DISP3: variants seen among roughly 807,000 people sequenced by gnomAD.
The protein encoded by DISP3 is dispatched RND transporter family member 3.
A neutral mutation model predicts 135.3 loss-of-function variants in DISP3; 101 were observed. That is an observed-to-expected ratio of 0.75 (90% CI 0.64 to 0.88). The LOEUF (loss-of-function observed/expected upper bound fraction) is 0.88, where lower values mean the gene tolerates loss of function less well. DISP3 is among the 40% of genes least tolerant of loss of function. The pLI, the probability that DISP3 is intolerant of heterozygous loss-of-function variation, is 0.00. For synonymous variants in DISP3, 856 were observed against 817.0 expected, an observed-to-expected ratio of 1.05 and a Z score of -0.81; for missense variants, 1,713 against 1,878.6, an observed-to-expected ratio of 0.91 and a Z score of 1.63.
rs547818268 is a variant in DISP3, at chr1:11,501,669, T to G, written c.677T>G (p.Leu226Arg). The G allele has an allele frequency of 2.5e-6, 4 of 1,607,598 alleles. No homozygotes were observed. The highest frequency in any genetic ancestry group is 2.2e-5 in the South Asian group (2 of 90,250). The change falls in exon 2 of 21, where the codon CTG becomes CGG. Residue 226 changes from leucine (L) to arginine (R), a missense_variant. This residue lies in a region of DISP3 where 571 missense variants were observed against 494.1 expected (regional missense o/e 1.16). Transcript: ENST00000294484. This position sits in a 1 kb window ranked among gnomAD's most constrained non-coding sequence, Gnocchi z 4.9. ...AGTGAAGACCCGCGAAACCAGCGGCTGAGCAAGAATGGGCGGTACCAGCCC... is the reference window on the plus strand; with the variant it reads ...AGTGAAGACCCGCGAAACCAGCGGCGGAGCAAGAATGGGCGGTACCAGCCC... ...NQSEDPRNQR[L>R]SKNGRYQPSI...
rs1287396356 is a variant in DISP3, at chr1:11,501,714, C to G, written c.722C>G (p.Ala241Gly). The stretch of plus-strand genomic sequence containing the variant: ...CAGCCCAGCATCCCGCCCCACGCGG[C>G]AGTCGCGGCCAATCAGAGCCGTGCC... ...RYQPSIPPHAAVAANQSRARR... is the reference protein window; with the variant it reads ...RYQPSIPPHAGVAANQSRARR... The change falls in exon 2 of 21, where the codon GCA (alanine) becomes GGA (glycine). Residue 241 changes from alanine to glycine, a missense_variant. Transcript: ENST00000294484. The surrounding 1 kb of genome is among the most constrained non-coding windows in gnomAD (Gnocchi z 4.9). 6.3e-7 allele frequency: 1 copy of G among 1,598,452 alleles called. No homozygotes were observed. Among genetic ancestry groups the G allele is most frequent in the African/African-American group, 1.3e-5 (1 of 74,806 alleles).
intron 1 of DISP3, among the ~76,000 whole-genome samples, chr1:11,496,548 C>G (rs1228545389): frequency 6.6e-6 from 1 of 152,228 alleles, no homozygotes; most frequent in Non-Finnish European, 1.5e-5. Context: ...CTACAGGAAC[C>G]ACCTTGGTTC....
intron 18 of DISP3, 78 bp downstream of exon 18, chr1:11,534,618 C>A: frequency 6.6e-7 from 1 of 1,507,734 alleles, no homozygotes; most frequent in Middle Eastern, 2.1e-4. Flanking sequence ...ACAGAGCGGC[C>A]TGAGTCACAA....
In DISP3 at chr1:11,520,817, C is replaced by T. The variant is rs531547268; in HGVS notation, c.2331C>T (p.Ser777=). The change falls in exon 10 of 21, where the codon AGC becomes AGT. Residue 777 remains serine, a synonymous_variant. Transcript: ENST00000294484. The surrounding 1 kb of genome is among the most constrained non-coding windows in gnomAD (Gnocchi z 4.8). ...TGCTGGACCTCAAGTACAACCTGAG[C>T]GCCGAGGGCATCTCCTGCATCACCT... is the stretch of plus-strand genomic sequence containing the variant. ...QVLLDLKYNL[S]AEGISCITCS... The T allele has an allele frequency of 2.2e-5, 36 of 1,611,678 alleles. No individual in the cohort carries two copies. The highest frequency in any genetic ancestry group is 1.0e-4 in the Admixed American group (6 of 59,774).
chr1:11,498,969 G>A (rs953655402), intron 1 of DISP3, among the ~76,000 whole-genome samples: 7 of 152,068 alleles, frequency 4.6e-5, no homozygotes, highest in African/African-American at 7.2e-5. Flanking sequence ...TCCCTTCCCC[G>A]CAGTAATTTT....
intron 1 of DISP3, among the ~76,000 whole-genome samples, chr1:11,490,487 T>C (rs1641154031): frequency 6.6e-6 from 1 of 152,224 alleles, no homozygotes; most frequent in South Asian, 2.1e-4. Flanking sequence ...CAGGCTGATA[T>C]CAAACTCCTG....
chr1:11,536,142 G>C lies in DISP3; in HGVS notation c.3817-182G>C, dbSNP rs969238130. ...CAGGACCTACTGTGCAGACCCTCGC[G>C]TCCTGTTGCCATAGCAACACCTACC... On this transcript the variant is annotated intron_variant, in intron 20 of 20. Coordinates refer to ENST00000294484, the MANE Select transcript of DISP3 (RefSeq NM_020780.2). The surrounding 1 kb of genome is among the most constrained non-coding windows in gnomAD (Gnocchi z 4.3). Among the ~76,000 whole-genome samples, 1 of 152,088 alleles carries C rather than the reference G, an allele frequency of 6.6e-6. No individual in the cohort carries two copies. The highest frequency in any genetic ancestry group is 1.5e-5 in the Non-Finnish European group (1 of 68,012).
In DISP3 at chr1:11,532,749, G is replaced by A. The variant is rs1448634919; in HGVS notation, c.3375+1039G>A. ...CAGAGTCTCTGTCCCCCAGGCTGGA[G>A]TGCAGTGGCACGATCTTGGCTCACT... is the stretch of plus-strand genomic sequence containing the variant. On this transcript the variant is annotated intron_variant, in intron 17 of 20. Coordinates refer to ENST00000294484, the MANE Select transcript of DISP3 (RefSeq NM_020780.2). Among the ~76,000 whole-genome samples, 2 of 152,200 alleles carry A rather than the reference G, an allele frequency of 1.3e-5. 1 individual carries two copies. The highest frequency in any genetic ancestry group is 1.3e-4 in the Admixed American group (2 of 15,286).
chr1:11,505,305 T>A (rs2100423251), intron 3 of DISP3, among the ~76,000 whole-genome samples: 1 of 152,336 alleles, frequency 6.6e-6, no homozygotes, highest in East Asian at 1.9e-4. Context: ...ACAAGGCCAG[T>A]TACCCATTAG....
chr1:11,487,720 C>T (rs61775795), intron 1 of DISP3, among the ~76,000 whole-genome samples: 189 of 152,310 alleles, frequency 1.2e-3, no homozygotes, highest in Non-Finnish European at 2.1e-3. Flanking sequence ...ACTCCCTGAG[C>T]GTTGCCCTCT....
chr1:11,502,454 G>A (rs1641572673), intron 2 of DISP3, among the ~76,000 whole-genome samples: 1 of 152,174 alleles, frequency 6.6e-6, no homozygotes, highest in African/African-American at 2.4e-5. Flanking sequence ...GATTGGGGTT[G>A]AAGAAGACTG....
intron 3 of DISP3, among the ~76,000 whole-genome samples, chr1:11,511,649 C>T (rs548639205): frequency 5.3e-5 from 8 of 152,226 alleles, no homozygotes; most frequent in Admixed American, 5.2e-4. Context: ...TTTCCAGGCA[C>T]ATGGTGCAAG....
rs764649114 is a variant in DISP3 at position 11,501,310 on chromosome 1, C to G, written c.318C>G (p.Asn106Lys). Residue 106 changes from asparagine (N) to lysine (K), a missense_variant, in exon 2 of 21, where the codon AAC (asparagine) becomes AAG (lysine). Physicochemically the swap from Asn to Lys is moderately conservative, Grantham distance 94 (BLOSUM62 0). Transcript: ENST00000294484. The surrounding 1 kb of genome is among the most constrained non-coding windows in gnomAD (Gnocchi z 4.9). Reference protein sequence around the residue: ...YPPLDIDISYNAFEIRNHEAS... With the variant: ...YPPLDIDISYKAFEIRNHEAS... ...CGCTGGACATTGACATCTCCTACAACGCCTTTGAGATCCGCAACCACGAGG... is the reference window on the plus strand; with the variant it reads ...CGCTGGACATTGACATCTCCTACAAGGCCTTTGAGATCCGCAACCACGAGG... 6.2e-7 allele frequency: 1 copy of G among 1,613,960 alleles called. No homozygotes were observed. The highest frequency in any genetic ancestry group is 1.3e-5 in the African/African-American group (1 of 74,934).
intron 3 of DISP3, among the ~76,000 whole-genome samples, chr1:11,508,791 C>T (rs144857329): frequency 1.8e-3 from 276 of 152,228 alleles, no homozygotes; most frequent in African/African-American, 6.4e-3. Context: ...TATAGACAAT[C>T]CAATTACACT....
chr1:11,486,791 C>T (rs901681360), intron 1 of DISP3, among the ~76,000 whole-genome samples: 7 of 152,152 alleles, frequency 4.6e-5, no homozygotes, highest in African/African-American at 7.2e-5. Flanking sequence ...AATCCTCCCC[C>T]GTCAGCCTCC....
chr1:11,519,256 CT>C lies in DISP3; in HGVS notation c.1890-98del. 7.2e-7 allele frequency: 1 copy of C among 1,389,028 alleles called. No individual in the cohort carries two copies. Among genetic ancestry groups the C allele is most frequent in the South Asian group, 1.3e-5 (1 of 75,902 alleles). The allele number at this position is 1,389,028 out of a possible 1,614,324, so 86.0% of individuals were successfully genotyped here. ...CATCCTGTGTGTGACGTCAGCAGCA[CT>C]GTGATACCTGGGTTCATCTGATCCT... On this transcript the variant is annotated intron_variant, in intron 7 of 20. Transcript: ENST00000294484. The surrounding 1 kb of genome is among the most constrained non-coding windows in gnomAD (Gnocchi z 4.3).
At chr1:11,488,738 T>G (rs1032614007) in intron 1 of DISP3, among the ~76,000 whole-genome samples, 23 of 152,000 alleles carry the variant, frequency 1.5e-4, no homozygotes, top group Non-Finnish European at 2.5e-4. Context: ...TCTAGGACCC[T>G]GAGATTTTCA....
Position 11,529,737 on chromosome 1 carries a change from T to G in DISP3, c.2930-50T>G, listed in dbSNP as rs774499178. 2 of 1,600,686 alleles carry G rather than the reference T, an allele frequency of 1.2e-6. No homozygotes were observed. Among genetic ancestry groups the G allele is most frequent in the Non-Finnish European group, 1.7e-6 (2 of 1,169,960 alleles). ...ACCTCAAGAGCTGAGACCTCGGGGC[T>G]CAGGAGCTGGACCCTGCCTTCCCTT... On this transcript the variant is annotated intron_variant, in intron 14 of 20. Coordinates refer to ENST00000294484, the MANE Select transcript of DISP3 (RefSeq NM_020780.2). The surrounding 1 kb of genome is among the most constrained non-coding windows in gnomAD (Gnocchi z 4.7).
chr1:11,526,889 CCTTTTCTCT>C (rs1642436795), intron 13 of DISP3, 54 bp downstream of exon 13: 1 of 1,549,130 alleles, frequency 6.5e-7, no homozygotes. Context: ...GCTTCTTTGC[CCTTTTCTCT>C]CTTTTCTCTC....
Sources: gnomAD v4.1 joint callset for allele counts (sites outside exome capture counted in the v4.1 genomes callset) on GRCh38, gnomAD v4.1.1 for gene constraint, gnomAD v4.1.1 regional missense constraint, Gnocchi (gnomAD v3.1) non-coding constraint, MANE v1.5 for transcripts, NCBI Gene and HGNC (gene_info 2026-07-23, HGNC 2026-07-21) for gene names.